NXPH1: variants seen among roughly 807,000 people sequenced by gnomAD.
The protein encoded by NXPH1 is neurexophilin 1.
In NXPH1, 5 loss-of-function variants were observed where a neutral mutation model predicts 23.7. The ratio of observed to expected loss-of-function variants is 0.21; its 90% CI spans 0.11 to 0.44. NXPH1 has a LOEUF of 0.44. Ranked by LOEUF, NXPH1 falls within the 20% of genes least tolerant of loss-of-function variation. The probability of loss-of-function intolerance (pLI) is 0.99; values close to 1 mark genes in which losing one functional copy is unlikely to be tolerated. For missense variants in NXPH1, 324 were observed against 321.6 expected (o/e 1.01, Z -0.06); for synonymous variants, 144 against 122.2 (o/e 1.18, Z -1.18).
Position 8,652,849 on chromosome 7 carries a change from A to G in NXPH1, c.55-98159A>G, listed in dbSNP as rs148601992. Among the ~76,000 whole-genome samples the G allele has an allele frequency of 6.0e-4, 92 of 152,314 alleles. 1 individual carries two copies. In the East Asian group the frequency reaches 0.015, roughly 25 times the overall value. On this transcript the variant is annotated intron_variant, in intron 2 of 2. Transcript: ENST00000405863. ...CAACTATGAGTAACAATTCATGGTT[A>G]AGAGATTTAATTCTCTTTTTTGTGT...
intron 2 of NXPH1, among the ~76,000 whole-genome samples, chr7:8,696,928 G>A (rs549090753): frequency 3.3e-5 from 5 of 151,078 alleles, no homozygotes; most frequent in Non-Finnish European, 7.4e-5. Flanking sequence ...TGGATCACTT[G>A]AGGCCAGGAG....
chr7:8,718,663 C>A (rs1779916545), intron 2 of NXPH1, among the ~76,000 whole-genome samples: 1 of 152,126 alleles, frequency 6.6e-6, no homozygotes, highest in African/African-American at 2.4e-5. Context: ...TTTTCCGAAT[C>A]TTCCTAAAGT....
At chr7:8,686,175 A>G (rs1291272848) in intron 2 of NXPH1, among the ~76,000 whole-genome samples, 1 of 152,202 alleles carries the variant, frequency 6.6e-6, no homozygotes, top group Admixed American at 6.5e-5. Flanking sequence ...TTTGTTAGGT[A>G]TGACCTTAAG....
intron 2 of NXPH1, among the ~76,000 whole-genome samples, chr7:8,559,572 C>G (rs1190132732): frequency 6.6e-6 from 1 of 151,682 alleles, no homozygotes; most frequent in Non-Finnish European, 1.5e-5. Flanking sequence ...TAGCTGAGTT[C>G]CCTAAAACTT....
chr7:8,654,392 G>T (rs995346815), intron 2 of NXPH1, among the ~76,000 whole-genome samples: 1 of 152,060 alleles, frequency 6.6e-6, no homozygotes, highest in Non-Finnish European at 1.5e-5. Context: ...TTTGTAGAAG[G>T]CCACAAAGCA....
chr7:8,678,973 G>A (rs1445695853), intron 2 of NXPH1, among the ~76,000 whole-genome samples: 1 of 77,836 alleles, frequency 1.3e-5, no homozygotes, highest in Non-Finnish European at 2.4e-5. Flanking sequence ...TGTTGAGACG[G>A]AGTCTCGCTC....
chr7:8,532,468 TG>T (rs761410034), intron 2 of NXPH1, among the ~76,000 whole-genome samples: 2,570 of 20,670 alleles, frequency 0.12, 30 homozygotes, highest in Admixed American at 0.14. Context: ...ATATTTTTTT[TG>T]GGGGGGGGGG....
intron 2 of NXPH1, among the ~76,000 whole-genome samples, chr7:8,532,536 C>A (rs186691949): frequency 1.3e-5 from 2 of 151,476 alleles, no homozygotes; most frequent in Non-Finnish European, 2.9e-5. Flanking sequence ...GCTTCCACTG[C>A]GGTTTTGAAG....
At chr7:8,566,197 G>A (rs1020862472) in intron 2 of NXPH1, among the ~76,000 whole-genome samples, 1 of 151,754 alleles carries the variant, frequency 6.6e-6, no homozygotes, top group African/African-American at 2.4e-5. Flanking sequence ...TGGCACCATC[G>A]ATTCTGATGA....
chr7:8,730,091 G>A (rs1450825043), intron 2 of NXPH1, among the ~76,000 whole-genome samples: 1 of 151,930 alleles, frequency 6.6e-6, no homozygotes, highest in Non-Finnish European at 1.5e-5. Context: ...TTACCATTAT[G>A]TAATGGCCTT....
At chr7:8,711,623 T>G (rs1273553443) in intron 2 of NXPH1, among the ~76,000 whole-genome samples, 5 of 152,106 alleles carry the variant, frequency 3.3e-5, no homozygotes, top group Non-Finnish European at 5.9e-5. Flanking sequence ...ATGCTTTTTT[T>G]GGGGTATGGG....
At chr7:8,463,025 G>A (rs775515566) in intron 2 of NXPH1, among the ~76,000 whole-genome samples, 6 of 152,032 alleles carry the variant, frequency 3.9e-5, no homozygotes, top group Non-Finnish European at 7.4e-5. Context: ...TTTCTCTTTT[G>A]TAATCTCCCT....
intron 2 of NXPH1, among the ~76,000 whole-genome samples, chr7:8,570,803 G>A (rs1329966918): frequency 6.6e-6 from 1 of 151,774 alleles, no homozygotes; most frequent in East Asian, 1.9e-4. Flanking sequence ...AAGGAACAGG[G>A]CATGATACAG....
At chr7:8,623,752 T>C (rs56195510) in intron 2 of NXPH1, among the ~76,000 whole-genome samples, 37,181 of 136,164 alleles carry the variant, frequency 0.27, 6,024 homozygotes, top group African/African-American at 0.41. Flanking sequence ...GCAAAATATA[T>C]GTATATGCAT....
At chr7:8,596,974 C>G (rs564940906) in intron 2 of NXPH1, among the ~76,000 whole-genome samples, 2 of 152,022 alleles carry the variant, frequency 1.3e-5, no homozygotes, top group Non-Finnish European at 2.9e-5. Flanking sequence ...TGGGAATAAT[C>G]TTGGTATGGG....
At chr7:8,615,025 G>T (rs894744621) in intron 2 of NXPH1, among the ~76,000 whole-genome samples, 2 of 151,938 alleles carry the variant, frequency 1.3e-5, no homozygotes, top group Non-Finnish European at 2.9e-5. Flanking sequence ...CTGTTAGTTG[G>T]CTCTGATTTC....
chr7:8,661,355 A>G (rs1222310133), intron 2 of NXPH1, among the ~76,000 whole-genome samples: 2 of 152,170 alleles, frequency 1.3e-5, no homozygotes, highest in African/African-American at 2.4e-5. Flanking sequence ...TTAAATGACA[A>G]TTTGGCTCAC....
intron 2 of NXPH1, among the ~76,000 whole-genome samples, chr7:8,628,260 T>C (rs1012973138): frequency 1.3e-5 from 2 of 152,012 alleles, no homozygotes. Flanking sequence ...CACTAACATG[T>C]TACAGAGTTT....
intron 2 of NXPH1, among the ~76,000 whole-genome samples, chr7:8,505,902 C>A (rs891104046): frequency 9.9e-5 from 15 of 151,952 alleles, no homozygotes; most frequent in Non-Finnish European, 1.6e-4. Flanking sequence ...TTTCTGGGAA[C>A]CATTTTGATT....
Sources: allele counts gnomAD v4.1 joint callset (sites outside exome capture counted in the v4.1 genomes callset), GRCh38; gene constraint gnomAD v4.1.1; transcripts MANE v1.5; gene names NCBI Gene and HGNC (gene_info 2026-07-23, HGNC 2026-07-21).